Variants in RICTOR observed in about 807,000 individuals in gnomAD.
RICTOR encodes RPTOR independent companion of MTOR complex 2, also known as rapamycin-insensitive companion of mTOR.
A neutral mutation model predicts 214.9 loss-of-function variants in RICTOR; 49 were observed. That is an observed-to-expected ratio of 0.23 (90% confidence interval 0.18 to 0.29). The LOEUF (loss-of-function observed/expected upper bound fraction) is 0.29, where lower values mean the gene tolerates loss of function less well. Among genes scored for constraint, RICTOR ranks in the 10% least tolerant of loss-of-function variants. The pLI, the probability that RICTOR is intolerant of heterozygous loss-of-function variation, is 1.00. For synonymous variants in RICTOR, 717 were observed against 711.3 expected, an observed-to-expected ratio of 1.01 and a Z score of -0.13; for missense variants, 1,625 against 2,047.0, an observed-to-expected ratio of 0.79 and a Z score of 3.98.
intron 2 of RICTOR, among the ~76,000 whole-genome samples, chr5:39,033,938 G>A (rs892302725): frequency 6.6e-5 from 10 of 152,058 alleles, no homozygotes; most frequent in African/African-American, 2.4e-4. Context: ...CTTCAATTCT[G>A]AATTATAAAC....
intron 11 of RICTOR, among the ~76,000 whole-genome samples, chr5:38,968,232 G>A (rs895925436): frequency 3.3e-5 from 5 of 152,034 alleles, no homozygotes; most frequent in African/African-American, 9.6e-5. Context: ...AATTCCTATC[G>A]CCTAGTGAAA....
chr5:38,983,723 G>A (rs1242250461), intron 7 of RICTOR, among the ~76,000 whole-genome samples: 10 of 152,266 alleles, frequency 6.6e-5, no homozygotes, highest in African/African-American at 2.4e-4. Context: ...CAGCACTTTG[G>A]GAGGCTGAGG....
intron 7 of RICTOR, among the ~76,000 whole-genome samples, chr5:38,990,521 T>TACACA (rs1339896922): frequency 6.9e-6 from 1 of 144,748 alleles, no homozygotes; most frequent in African/African-American, 2.6e-5. Flanking sequence ...ACACGATATA[T>TACACA]ATACGATATA....
chr5:39,044,010 G>T (rs552159207), intron 2 of RICTOR, among the ~76,000 whole-genome samples: 1 of 152,058 alleles, frequency 6.6e-6, no homozygotes, highest in Non-Finnish European at 1.5e-5. Context: ...TTTTATAAGC[G>T]ACAGAAAACT....
chr5:39,047,115 T>C (rs1380073930), intron 2 of RICTOR, among the ~76,000 whole-genome samples: 1 of 152,198 alleles, frequency 6.6e-6, no homozygotes, highest in Non-Finnish European at 1.5e-5. Context: ...TATTAGAAAT[T>C]CTGGACTCCC....
intron 31 of RICTOR, chr5:38,949,363 G>T: frequency 6.3e-7 from 1 of 1,579,922 alleles, no homozygotes. Context: ...TACCTGAAAA[G>T]GTTGTTTGTT....
intron 2 of RICTOR, among the ~76,000 whole-genome samples, chr5:39,025,458 T>G (rs947538091): frequency 3.0e-4 from 46 of 152,256 alleles, no homozygotes; most frequent in African/African-American, 8.0e-4. Context: ...TATGCAACTC[T>G]AATGTTTTAG....
At chr5:38,972,752 G>C (rs1436117564) in intron 10 of RICTOR, among the ~76,000 whole-genome samples, 1 of 151,660 alleles carries the variant, frequency 6.6e-6, no homozygotes. Context: ...ATTCCATTTA[G>C]GTATTTACGC....
In RICTOR at chr5:39,053,402, A is replaced by G. The variant is rs187929161; in HGVS notation, c.97+20709T>C. 8.7e-4 allele frequency among the ~76,000 whole-genome samples: 133 copies of G among 152,236 alleles called. 1 individual carries two copies. Among genetic ancestry groups the G allele is most frequent in the African/African-American group, 3.1e-3 (128 of 41,538 alleles). On this transcript the variant is annotated intron_variant, in intron 2 of 37. Transcript: ENST00000357387. ...GAACCCTCAGTGTCACTCAGAGGAA[A>G]AGAGTCTAGTGATTGCTGAGCAATT...
At chr5:38,974,371 G>C (rs1424381566) in intron 10 of RICTOR, among the ~76,000 whole-genome samples, 1 of 151,960 alleles carries the variant, frequency 6.6e-6, no homozygotes, top group Non-Finnish European at 1.5e-5. Context: ...AAGGGCTCCA[G>C]GGGAAATTGA....
chr5:39,005,958 T>C (rs990988256), intron 3 of RICTOR, among the ~76,000 whole-genome samples: 1 of 152,250 alleles, frequency 6.6e-6, no homozygotes, highest in Non-Finnish European at 1.5e-5. Flanking sequence ...AAAGATTTTC[T>C]ACTTAGGTTT....
At chr5:38,991,519 A>C in intron 6 of RICTOR, among the ~76,000 whole-genome samples, 1 of 114,474 alleles carries the variant, frequency 8.7e-6, no homozygotes, top group African/African-American at 3.2e-5. Flanking sequence ...CTTTATCTCT[A>C]CTCCCCTCTC....
At chr5:38,984,535 G>C (rs529599062) in intron 7 of RICTOR, among the ~76,000 whole-genome samples, 3 of 152,134 alleles carry the variant, frequency 2.0e-5, no homozygotes, top group East Asian at 1.9e-4. Context: ...CTACAGACTG[G>C]TGCACAGTCA....
intron 2 of RICTOR, among the ~76,000 whole-genome samples, chr5:39,057,751 G>A (rs979601398): frequency 6.6e-6 from 1 of 152,042 alleles, no homozygotes; most frequent in Non-Finnish European, 1.5e-5. Context: ...GAGTCAGCAA[G>A]GATCTGTCAA....
chr5:39,069,623 T>G (rs751765321), intron 2 of RICTOR, among the ~76,000 whole-genome samples: 7 of 152,230 alleles, frequency 4.6e-5, no homozygotes, highest in Admixed American at 1.3e-4. Context: ...GTGGGGGGAC[T>G]ACAAAATCAG....
intron 6 of RICTOR, among the ~76,000 whole-genome samples, chr5:38,996,536 A>G (rs13166875): frequency 0.33 from 50,650 of 152,118 alleles, 9,502 homozygotes; most frequent in East Asian, 0.42. Context: ...AACTTATCAA[A>G]GCAGTAACTA....
chr5:39,002,472 G>A lies in RICTOR; in HGVS notation c.392+63C>T, dbSNP rs143947561. On this transcript the variant is annotated intron_variant, in intron 5 of 37. Coordinates refer to ENST00000357387, the MANE Select transcript of RICTOR (RefSeq NM_152756.5). ...ACAGTACAAATCTATACACTTTATG[G>A]CAGGCATGCTAAAAACTCAACACAA... is the stretch of plus-strand genomic sequence containing the variant. The A allele has an allele frequency of 2.6e-3, 2,718 of 1,055,440 alleles. 6 individuals are homozygous for A. Among genetic ancestry groups the A allele is most frequent in the Non-Finnish European group, 3.5e-3 (2,455 of 700,342 alleles). 65.4% of individuals were successfully genotyped at this position (1,055,440 alleles called of 1,614,324 possible).
chr5:39,046,059 A>G (rs1340721892), intron 2 of RICTOR, among the ~76,000 whole-genome samples: 1 of 151,244 alleles, frequency 6.6e-6, no homozygotes, highest in African/African-American at 2.4e-5. Context: ...AAATAAATAA[A>G]TAAATGCTGG....
chr5:39,040,080 A>G (rs1213869104), intron 2 of RICTOR, among the ~76,000 whole-genome samples: 1 of 152,162 alleles, frequency 6.6e-6, no homozygotes, highest in Non-Finnish European at 1.5e-5. Context: ...ATGTCCAACA[A>G]TAATAGACTG....
Sources: allele counts gnomAD v4.1 joint callset (sites outside exome capture counted in the v4.1 genomes callset), GRCh38; gene constraint gnomAD v4.1.1; transcripts MANE v1.5; gene names NCBI Gene and HGNC (gene_info 2026-07-23, HGNC 2026-07-21).